Variants in TSPEAR observed in about 807,000 individuals in gnomAD.
TSPEAR encodes the protein thrombospondin type laminin G domain and EAR repeats.
In TSPEAR, 69 loss-of-function variants were observed where a neutral mutation model predicts 71.6. The ratio of observed to expected loss-of-function variants is 0.96; its 90% CI spans 0.79 to 1.18. TSPEAR has a LOEUF of 1.18. Ranked by LOEUF, TSPEAR falls within the 50% of genes most tolerant of loss-of-function variation. The probability of loss-of-function intolerance (pLI) is 0.00; values close to 1 mark genes in which losing one functional copy is unlikely to be tolerated. For synonymous variants in TSPEAR, 402 were observed against 387.2 expected, an observed-to-expected ratio of 1.04 and a Z score of -0.45; for missense variants, 971 against 894.9, an observed-to-expected ratio of 1.09 and a Z score of -1.09.
chr21:44,539,557 G>A (rs782063486), intron 2 of TSPEAR: 8 of 1,613,754 alleles, frequency 5.0e-6, no homozygotes, highest in Non-Finnish European at 6.8e-6. Flanking sequence ...CGGGCACACA[G>A]CAGATGGGCT....
At chr21:44,707,302 T>TGGCG (rs1987975335) in intron 1 of TSPEAR, among the ~76,000 whole-genome samples, 1 of 135,858 alleles carries the variant, frequency 7.4e-6, no homozygotes, top group Non-Finnish European at 1.6e-5. Flanking sequence ...GGACGCGGGG[T>TGGCG]GGGGGGGGGT....
At chr21:44,627,894 C>G (rs782195894) in intron 1 of TSPEAR, 1 of 1,611,192 alleles carries the variant, frequency 6.2e-7, no homozygotes, top group South Asian at 1.1e-5. Context: ...TGTGCAGGCC[C>G]GCCTGCTGCG....
intron 1 of TSPEAR, among the ~76,000 whole-genome samples, chr21:44,602,447 A>G (rs1555929084): frequency 6.6e-6 from 1 of 152,198 alleles, no homozygotes; most frequent in African/African-American, 2.4e-5. Context: ...GGCTCCAGAA[A>G]GGAAACCCCA....
chr21:44,702,743 G>C (rs9982962), intron 1 of TSPEAR: 995,734 of 1,417,712 alleles, frequency 0.7, 351,382 homozygotes, highest in Middle Eastern at 0.81. Context: ...CTCTGCCGCC[G>C]TGTGTGCTCC....
At position 44,689,712 on chromosome 21, in the gene TSPEAR, A is replaced by AATGAATATATATATAT. The variant is rs781858508; in HGVS notation, c.82+21720_82+21721insATATATATATATTCAT. ...TCCCTTAGAGGGACAGAATAGAATG[A>AATGAATATATATATAT]ATATATATATATATATATATATATA... On this transcript the variant is annotated intron_variant, in intron 1 of 11. Coordinates refer to ENST00000323084, the MANE Select transcript of TSPEAR (RefSeq NM_144991.3). Among the ~76,000 whole-genome samples, 61 of 62,044 alleles carry AATGAATATATATATAT rather than the reference A, an allele frequency of 9.8e-4. 4 individuals are homozygous for AATGAATATATATATAT. The East Asian group carries it at 0.011, about 11-fold the overall frequency. The allele number at this position is 62,044 out of a possible 152,430, so 40.7% of individuals were successfully genotyped here.
Position 44,677,693 on chromosome 21 carries a change from T to C in TSPEAR, c.82+33740A>G, listed in dbSNP as rs1986383062. ...TTGCTGAAGCTGGAGTATCTCCCTTTTGTTTTTGGAGTTGTGAGGCAGGCT... is the reference window on the plus strand; with the variant it reads ...TTGCTGAAGCTGGAGTATCTCCCTTCTGTTTTTGGAGTTGTGAGGCAGGCT... On this transcript the variant is annotated intron_variant, in intron 1 of 11. Transcript: ENST00000323084. 14 of 1,418,832 alleles carry C rather than the reference T, an allele frequency of 9.9e-6. No homozygotes were observed. The Admixed American group carries it at 2.4e-4, about 24-fold the overall frequency. The allele number at this position is 1,418,832 out of a possible 1,614,324, so 87.9% of individuals were successfully genotyped here.
rs781887859 is a variant in TSPEAR at position 44,533,673 on chromosome 21, G to A, written c.542+12C>T. On this transcript the variant is annotated intron_variant, in intron 3 of 11. Transcript: ENST00000323084. ...AGGACTGCAGGTGCACCCTCCCCGG[G>A]TGGGTACCTACATGTCCACCGGGAG... The A allele has an allele frequency of 6.3e-6, 10 of 1,597,488 alleles. No homozygotes were observed. In the Admixed American group the frequency reaches 6.7e-5, roughly 11 times the overall value.
At position 44,580,416 on chromosome 21, in the gene TSPEAR, C is replaced by A. The variant is rs782047959; in HGVS notation, c.83-12411G>T. 3 of 1,612,826 alleles carry A rather than the reference C, an allele frequency of 1.9e-6. No homozygotes were observed. In the African/African-American group the frequency reaches 4.0e-5, roughly 22 times the overall value. On this transcript the variant is annotated intron_variant, in intron 1 of 11. Transcript: ENST00000323084. ...GATTGGCAGGGGCTGGGCTCACAGG[C>A]CGCCTGGCAGCAGGGGCTGGACACA... is the stretch of plus-strand genomic sequence containing the variant.
intron 2 of TSPEAR, among the ~76,000 whole-genome samples, chr21:44,564,110 C>T (rs1291726004): frequency 1.3e-5 from 2 of 152,134 alleles, no homozygotes; most frequent in East Asian, 3.8e-4. Context: ...CAGAGTGTGC[C>T]TTGTTCAACC....
chr21:44,680,359 A>C (rs1986522206), intron 1 of TSPEAR, among the ~76,000 whole-genome samples: 3 of 152,204 alleles, frequency 2.0e-5, no homozygotes. Context: ...TCTTACCCCA[A>C]TTAGAATGGC....
intron 1 of TSPEAR, chr21:44,580,012 C>T: frequency 1.3e-6 from 2 of 1,595,238 alleles, no homozygotes; most frequent in Non-Finnish European, 1.7e-6. Context: ...AGCAGACGGG[C>T]ACACAGCAGA....
chr21:44,540,216 G>A (rs1022333240), intron 2 of TSPEAR: 3 of 1,578,884 alleles, frequency 1.9e-6, no homozygotes, highest in East Asian at 2.2e-5. Context: ...CAGTGTGTGT[G>A]TGAGTGACTG....
intron 8 of TSPEAR, among the ~76,000 whole-genome samples, chr21:44,522,991 A>T (rs1569162617): frequency 2.0e-5 from 3 of 151,846 alleles, no homozygotes; most frequent in Non-Finnish European, 2.9e-5. Flanking sequence ...AGTCAGTCAG[A>T]TAGTCAGTCA....
At chr21:44,535,438 T>A (rs1434823473) in intron 2 of TSPEAR, among the ~76,000 whole-genome samples, 1 of 152,214 alleles carries the variant, frequency 6.6e-6, no homozygotes, top group Non-Finnish European at 1.5e-5. Context: ...AAAGCAGGTA[T>A]GAAAACAGTT....
intron 1 of TSPEAR, among the ~76,000 whole-genome samples, chr21:44,680,588 C>T (rs1429559471): frequency 6.6e-6 from 1 of 152,120 alleles, no homozygotes; most frequent in African/African-American, 2.4e-5. Flanking sequence ...TACCTGCACC[C>T]CCATGTTTAT....
chr21:44,540,616 G>T (rs1273701112), intron 2 of TSPEAR, among the ~76,000 whole-genome samples: 2 of 152,216 alleles, frequency 1.3e-5, no homozygotes, highest in Non-Finnish European at 1.5e-5. Flanking sequence ...CACTGAAGAG[G>T]CAGAAGCAGC....
intron 1 of TSPEAR, among the ~76,000 whole-genome samples, chr21:44,640,608 G>A (rs1358305966): frequency 6.6e-6 from 1 of 152,208 alleles, no homozygotes; most frequent in African/African-American, 2.4e-5. Context: ...ACTGGCCAAT[G>A]CCTCCACCTC....
At chr21:44,502,154 G>A (rs1288898669) in intron 11 of TSPEAR, among the ~76,000 whole-genome samples, 1 of 152,170 alleles carries the variant, frequency 6.6e-6, no homozygotes, top group Non-Finnish European at 1.5e-5. Flanking sequence ...ACCGCACCAC[G>A]CACTCACAGA....
Position 44,521,793 on chromosome 21 carries a change from AC to A in TSPEAR, c.1566+89del. 2.4e-6 allele frequency: 3 copies of A among 1,253,064 alleles called. No homozygotes were observed. In the South Asian group the frequency reaches 4.0e-5, roughly 17 times the overall value. The allele number at this position is 1,253,064 out of a possible 1,614,324, so 77.6% of individuals were successfully genotyped here. A position where few individuals can be genotyped will look rare whatever the true frequency, so the allele number is the denominator to read the frequency against. On this transcript the variant is annotated intron_variant, in intron 9 of 11. Coordinates refer to ENST00000323084, the MANE Select transcript of TSPEAR (RefSeq NM_144991.3). The stretch of plus-strand genomic sequence containing the variant: ...CAGCACTAGGTTTGGCTCTCGGTGG[AC>A]CCCCAGCCCACATCACCTGTCCAGC...
Sources: allele counts gnomAD v4.1 joint callset (sites outside exome capture counted in the v4.1 genomes callset), GRCh38; gene constraint gnomAD v4.1.1; transcripts MANE v1.5; gene names NCBI Gene and HGNC (gene_info 2026-07-23, HGNC 2026-07-21).